Variants in FOXP2 observed in about 807,000 individuals in gnomAD.
The protein encoded by FOXP2 is forkhead box protein P2.
In FOXP2, 12 loss-of-function variants were observed where a neutral mutation model predicts 115.8. That is an observed-to-expected ratio of 0.10 (90% confidence interval 0.07 to 0.17). The LOEUF (loss-of-function observed/expected upper bound fraction) is 0.17, where lower values mean the gene tolerates loss of function less well. Among genes scored for constraint, FOXP2 ranks in the 10% least tolerant of loss-of-function variants. FOXP2 has a pLI of 1.00. For missense variants in FOXP2, 629 were observed against 843.5 expected (o/e 0.75, Z 3.15); for synonymous variants, 328 against 297.7 (o/e 1.10, Z -1.05).
intron 3 of FOXP2, among the ~76,000 whole-genome samples, chr7:114,610,182 T>A (rs574301902): frequency 6.4e-4 from 98 of 152,342 alleles, no homozygotes; most frequent in African/African-American, 2.2e-3. Flanking sequence ...ATAGTTAACA[T>A]GCTATGGTAA....
chr7:114,608,631 A>G (rs1803461763), intron 3 of FOXP2, among the ~76,000 whole-genome samples: 1 of 152,202 alleles, frequency 6.6e-6, no homozygotes, highest in African/African-American at 2.4e-5. Flanking sequence ...AGAGTATTAT[A>G]TAAAGACTTG....
upstream of FOXP2, among the ~76,000 whole-genome samples, chr7:114,413,474 T>C (rs1793217254): frequency 6.6e-6 from 1 of 152,006 alleles, no homozygotes; most frequent in Non-Finnish European, 1.5e-5. Flanking sequence ...TAAATTTTGG[T>C]TTAAAAAAAA....
At chr7:114,626,377 A>G (rs888967206) in intron 3 of FOXP2, among the ~76,000 whole-genome samples, 4 of 151,796 alleles carry the variant, frequency 2.6e-5, no homozygotes, top group Non-Finnish European at 4.4e-5. Flanking sequence ...TTTCCCCATA[A>G]AGTTCACTTA....
At position 114,454,499 on chromosome 7, in the gene FOXP2, C is replaced by T. The variant is rs1403679286; in HGVS notation, c.168+27820C>T. On this transcript the variant is annotated intron_variant, in intron 2 of 16. Coordinates refer to ENST00000350908, the MANE Select transcript of FOXP2 (RefSeq NM_014491.4). ...ATCTAGAACTAGAAATACCATTTGA[C>T]CCAGCCATCCCATTACTGGGTATAT... 8.6e-5 allele frequency among the ~76,000 whole-genome samples: 13 copies of T among 151,570 alleles called. No homozygotes were observed. In the East Asian group the frequency reaches 2.2e-3, roughly 25 times the overall value.
At chr7:114,436,211 AT>A (rs1331074965) in intron 2 of FOXP2, among the ~76,000 whole-genome samples, 1 of 151,742 alleles carries the variant, frequency 6.6e-6, no homozygotes, top group East Asian at 1.9e-4. Context: ...TTATTAATTT[AT>A]TTTCTTTCTT....
chr7:114,208,092 T>A (rs1407506073), intron 1 of FOXP2, among the ~76,000 whole-genome samples: 3 of 152,176 alleles, frequency 2.0e-5, no homozygotes, highest in African/African-American at 7.2e-5. Flanking sequence ...CCTTTCACTG[T>A]GTACCTGGAA....
chr7:114,359,446 G>A (rs1375060771), intron 2 of FOXP2, among the ~76,000 whole-genome samples: 5 of 152,178 alleles, frequency 3.3e-5, no homozygotes, highest in African/African-American at 1.2e-4. Flanking sequence ...AAGAGCTGTG[G>A]GAAGAGGGCC....
chr7:114,442,654 G>A (rs1010200580), intron 2 of FOXP2, among the ~76,000 whole-genome samples: 7 of 151,998 alleles, frequency 4.6e-5, no homozygotes, highest in African/African-American at 9.7e-5. Context: ...GGGTTTCACC[G>A]TGTTGCTGAG....
chr7:114,259,727 G>T (rs1795700760), intron 1 of FOXP2, among the ~76,000 whole-genome samples: 1 of 152,094 alleles, frequency 6.6e-6, no homozygotes. Flanking sequence ...ACTGTAAAAT[G>T]ATGCACTTGT....
At chr7:114,494,189 G>A (rs1361292764) in intron 2 of FOXP2, among the ~76,000 whole-genome samples, 1 of 152,018 alleles carries the variant, frequency 6.6e-6, no homozygotes. Context: ...ATAAAAAGTA[G>A]AACTTTATAA....
chr7:114,117,861 A>G (rs1791451460), intron 1 of FOXP2, among the ~76,000 whole-genome samples: 1 of 152,128 alleles, frequency 6.6e-6, no homozygotes, highest in Non-Finnish European at 1.5e-5. Flanking sequence ...TGGTTTGCAG[A>G]CTGAAGGCTT....
intron 2 of FOXP2, among the ~76,000 whole-genome samples, chr7:114,368,730 A>G (rs1441858704): frequency 6.6e-6 from 1 of 152,184 alleles, no homozygotes; most frequent in Non-Finnish European, 1.5e-5. Context: ...TCTGGGTAGC[A>G]CTGTTCCAAG....
intron 2 of FOXP2, among the ~76,000 whole-genome samples, chr7:114,400,976 G>T (rs559889713): frequency 7.7e-4 from 117 of 152,170 alleles, no homozygotes; most frequent in African/African-American, 2.6e-3. Context: ...ATTATTAAGA[G>T]GAAATAGCAG....
chr7:114,359,009 A>G (rs1253616226), intron 2 of FOXP2, among the ~76,000 whole-genome samples: 1 of 152,154 alleles, frequency 6.6e-6, no homozygotes, highest in Non-Finnish European at 1.5e-5. Context: ...ACAATGAAGA[A>G]AATGTCTTCA....
chr7:114,203,996 A>G (rs1193632655), intron 1 of FOXP2, among the ~76,000 whole-genome samples: 1 of 152,072 alleles, frequency 6.6e-6, no homozygotes. Flanking sequence ...AAAAAAATCC[A>G]CTTCCTCCCT....
At chr7:114,480,763 A>G (rs749536043) in intron 2 of FOXP2, among the ~76,000 whole-genome samples, 26 of 150,518 alleles carry the variant, frequency 1.7e-4, no homozygotes, top group Middle Eastern at 6.9e-3. Context: ...ACGTATATAT[A>G]TACGTATACA....
At chr7:114,544,829 A>G (rs1799838037) in intron 3 of FOXP2, among the ~76,000 whole-genome samples, 1 of 152,222 alleles carries the variant, frequency 6.6e-6, no homozygotes, top group South Asian at 2.1e-4. Context: ...ATAGTTTCTC[A>G]AAATCATGGC....
At chr7:114,231,452 C>T (rs531071448) in intron 1 of FOXP2, among the ~76,000 whole-genome samples, 2 of 152,244 alleles carry the variant, frequency 1.3e-5, no homozygotes, top group East Asian at 3.9e-4. Context: ...GGAGACCTCA[C>T]ACATCGATTT....
intron 16 of FOXP2, among the ~76,000 whole-genome samples, chr7:114,674,430 A>C (rs1807653618): frequency 6.6e-6 from 1 of 152,210 alleles, no homozygotes; most frequent in African/African-American, 2.4e-5. Flanking sequence ...TTTCGTTTTC[A>C]TCAAGGGATA....
Sources: allele counts gnomAD v4.1 joint callset (sites outside exome capture counted in the v4.1 genomes callset), GRCh38; gene constraint gnomAD v4.1.1; transcripts MANE v1.5; gene names NCBI Gene and HGNC (gene_info 2026-07-23, HGNC 2026-07-21).